The following EIF2B1 variants were observed in gnomAD, a reference collection of about 807,000 sequenced individuals.
EIF2B1 encodes eukaryotic translation initiation factor 2B subunit alpha.
Under a neutral mutation model 36.8 loss-of-function variants are expected in EIF2B1, and 30 were observed. The ratio of observed to expected loss-of-function variants is 0.81; its 90% CI spans 0.61 to 1.10. The LOEUF is 1.10. Among genes scored for constraint, EIF2B1 ranks in the 50% least tolerant of loss-of-function variants. EIF2B1 has a pLI of 0.00. For missense variants in EIF2B1, 271 were observed against 374.8 expected (o/e 0.72, Z 2.29); for synonymous variants, 139 against 142.2 (o/e 0.98, Z 0.16).
In EIF2B1 at chr12:123,630,247, T is replaced by TC; in HGVS notation, c.290dup (p.Glu98ArgfsTer52). 1 of 1,614,132 alleles carries TC rather than the reference T, an allele frequency of 6.2e-7. No homozygotes were observed. The highest frequency in any genetic ancestry group is 1.1e-5 in the South Asian group (1 of 91,084). Reference sequence around the variant, plus strand: ...GTGATATTCTCCTGAGAAAAAGTTCTCCCCGCTCAATCATGATCTTTTTAC... The same window carrying TC: ...GTGATATTCTCCTGAGAAAAAGTTCTCCCCCGCTCAATCATGATCTTTTTAC... On this transcript the variant is annotated frameshift_variant, in exon 4 of 9. Coordinates refer to ENST00000424014, the MANE Select transcript of EIF2B1 (RefSeq NM_001414.4). LOFTEE classifies it high-confidence loss of function. The surrounding 1 kb of genome is among the most constrained non-coding windows in gnomAD (Gnocchi z 4.6).
Position 123,626,429 on chromosome 12 carries a change from CAGCAGCATCT to C in EIF2B1, c.537_546del (p.Asp180SerfsTer12). ...CTGGGGAAGATGGGCACTCACCCGA[CAGCAGCATCT>C]AGCACCACAGTGACAGGGACGTTGA... On this transcript the variant is annotated frameshift_variant, in exon 6 of 9. Coordinates refer to ENST00000424014, the MANE Select transcript of EIF2B1 (RefSeq NM_001414.4). LOFTEE classifies it high-confidence loss of function. 1 of 1,614,134 alleles carries C rather than the reference CAGCAGCATCT, an allele frequency of 6.2e-7. No homozygotes were observed. The highest frequency in any genetic ancestry group is 8.5e-7 in the Non-Finnish European group (1 of 1,179,992).
rs760294177 is a variant in EIF2B1 at position 123,633,545 on chromosome 12, C to T, written c.13G>A (p.Glu5Lys). 1.1e-5 allele frequency: 18 copies of T among 1,613,328 alleles called. No individual in the cohort carries two copies. The highest frequency in any genetic ancestry group is 1.4e-5 in the Non-Finnish European group (17 of 1,180,006). ...GCAGCCCTGGCCTGTCTTGATTTAC[C>T]CTTGTCGTCCATGGCGTCCTCCTGC... MDDK[E>K]LIEYFKSQMK... Residue 5 changes from glutamate to lysine, a missense_variant and splice_region_variant, in exon 1 of 9, where the codon GAG becomes AAG. By Grantham distance (56) the Glu-to-Lys change is moderately conservative (BLOSUM62 1). Transcript: ENST00000424014.
intron 7 of EIF2B1, among the ~76,000 whole-genome samples, chr12:123,623,862 C>G (rs1955127084): frequency 6.6e-6 from 1 of 151,970 alleles, no homozygotes; most frequent in Non-Finnish European, 1.5e-5. Context: ...AAATTGAGGT[C>G]AAATGTGCTC....
At chr12:123,631,315 C>T (rs571566039) in intron 2 of EIF2B1, among the ~76,000 whole-genome samples, 38 of 152,322 alleles carry the variant, frequency 2.5e-4, no homozygotes, top group African/African-American at 7.9e-4. Context: ...GAGCTTGGAG[C>T]TGTATTACTA....
Position 123,630,450 on chromosome 12 carries a change from A to G in EIF2B1, c.199T>C (p.Ser67Pro), listed in dbSNP as rs1412569496. 1 of 1,613,994 alleles carries G rather than the reference A, an allele frequency of 6.2e-7. No homozygotes were observed. The highest frequency in any genetic ancestry group is 8.5e-7 in the Non-Finnish European group (1 of 1,180,026). Reference protein sequence around the residue: ...CGVDSSVAVSSGGELFLRFIS... With the variant: ...CGVDSSVAVSPGGELFLRFIS... ...AAGCGGAGGAAGAGCTCCCCGCCAG[A>G]GGACACTGCCACAGAGGAGTCCACA... The change falls in exon 3 of 9, where the codon TCT (serine) becomes CCT (proline). Residue 67 changes from serine to proline, a missense_variant. Transcript: ENST00000424014. The surrounding 1 kb of genome is among the most constrained non-coding windows in gnomAD (Gnocchi z 4.6).
Position 123,624,847 on chromosome 12 carries a change from T to C in EIF2B1, c.567A>G (p.Lys189=). The C allele has an allele frequency of 6.2e-7, 1 of 1,614,098 alleles. No individual in the cohort carries two copies. The change falls in exon 7 of 9, where the codon AAA becomes AAG. Residue 189 remains lysine (K), a synonymous_variant. Transcript: ENST00000424014. ...CAGCACCAACTATGACAAGATCTGC[T>C]TTCTCCATGATGTAGCTAAGGGGAA... The part of the protein sequence containing the change: ...LDAAVGYIME[K]ADLVIVGAEG...
intron 2 of EIF2B1, among the ~76,000 whole-genome samples, chr12:123,631,280 A>C (rs1342748645): frequency 6.6e-6 from 1 of 152,186 alleles, no homozygotes; most frequent in East Asian, 1.9e-4. Context: ...TCCAGATTGA[A>C]AGGTCTGAAA....
At chr12:123,624,979 T>A (rs1027501378) in intron 6 of EIF2B1, 117 bp from the exon 7 acceptor site, 84 of 948,360 alleles carry the variant, frequency 8.9e-5, no homozygotes, top group Non-Finnish European at 1.3e-4. Context: ...TAACTACCTG[T>A]TTTTTTTAAA....
Position 123,632,287 on chromosome 12 carries a change from A to AG in EIF2B1, c.115+57_115+58insC, listed in dbSNP as rs1393447706. On this transcript the variant is annotated intron_variant, in intron 2 of 8. Coordinates refer to ENST00000424014, the MANE Select transcript of EIF2B1 (RefSeq NM_001414.4). ...CGTCTCTTTAAAAAAAAAAAAAAAGAAAAGAAAAAAAAGACTATCCTAAGT... is the reference window on the plus strand; with the variant it reads ...CGTCTCTTTAAAAAAAAAAAAAAAGAGAAAGAAAAAAAAGACTATCCTAAGT... 1.3e-4 allele frequency: 153 copies of AG among 1,166,356 alleles called. No individual in the cohort carries two copies. The African/African-American group carries it at 1.8e-3, about 14-fold the overall frequency. 72.3% of individuals were successfully genotyped at this position (1,166,356 alleles called of 1,614,324 possible).
At chr12:123,626,618 G>A (rs1007098379) in intron 5 of EIF2B1, 125 bp from the exon 6 acceptor site, 151 of 1,094,720 alleles carry the variant, frequency 1.4e-4, no homozygotes, top group Non-Finnish European at 2.0e-4. Flanking sequence ...TTAAGGGGCA[G>A]ATCCCAATAC....
Position 123,630,315 on chromosome 12 carries a change from AG to A in EIF2B1, c.253-31del. On this transcript the variant is annotated intron_variant, in intron 3 of 8. Coordinates refer to ENST00000424014, the MANE Select transcript of EIF2B1 (RefSeq NM_001414.4). This position sits in a 1 kb window ranked among gnomAD's most constrained non-coding sequence, Gnocchi z 4.6. ...GAAGAAAAGAGCAAACTGAGGGGAC[AG>A]GGAAGATCCAGTTAATGCTGAGAAT... 2 of 1,614,048 alleles carry A rather than the reference AG, an allele frequency of 1.2e-6. No individual in the cohort carries two copies. The highest frequency in any genetic ancestry group is 1.7e-6 in the Non-Finnish European group (2 of 1,179,904).
At position 123,621,900 on chromosome 12, in the gene EIF2B1, C is replaced by T. The variant is rs1323995775; in HGVS notation, c.774G>A (p.Lys258=). The T allele has an allele frequency of 6.2e-7, 1 of 1,614,054 alleles. No individual in the cohort carries two copies. The highest frequency in any genetic ancestry group is 1.1e-5 in the South Asian group (1 of 91,082). The change falls in exon 9 of 9, where the codon AAG becomes AAA. Residue 258 remains lysine, a synonymous_variant. Coordinates refer to ENST00000424014, the MANE Select transcript of EIF2B1 (RefSeq NM_001414.4). ...TGAGGTCTTGTCCAGTCTGCGCGACCTTGAGAGTGTCTGCCTTATACTGAG... is the reference window on the plus strand; with the variant it reads ...TGAGGTCTTGTCCAGTCTGCGCGACTTTGAGAGTGTCTGCCTTATACTGAG... ...DKFKYKADTL[K]VAQTGQDLKE...
At chr12:123,622,802 AT>A in intron 7 of EIF2B1, 41 bp from the exon 8 acceptor site, 1 of 1,611,578 alleles carries the variant, frequency 6.2e-7, no homozygotes, top group South Asian at 1.1e-5. Flanking sequence ...TCTAGAGTGC[AT>A]CTGAAGTAGA....
intron 6 of EIF2B1, 130 bp downstream of exon 6, chr12:123,626,295 T>C: frequency 9.7e-7 from 1 of 1,035,470 alleles, no homozygotes; most frequent in Non-Finnish European, 1.5e-6. Context: ...TTAGGGCAGC[T>C]ATTAATTAAG....
rs1167276566 is a variant in EIF2B1, at chr12:123,628,990, A to G, written c.369+1179T>C. On this transcript the variant is annotated intron_variant, in intron 4 of 8. Transcript: ENST00000424014. Reference sequence around the variant, plus strand: ...GACGGCACAGCAGGTCTGTGGAAGGAGAAGGCCCCAGCGAGAGGAAGTCAC... The same window carrying G: ...GACGGCACAGCAGGTCTGTGGAAGGGGAAGGCCCCAGCGAGAGGAAGTCAC... Among the ~76,000 whole-genome samples the G allele has an allele frequency of 2.0e-5, 3 of 151,384 alleles. No homozygotes were observed. The East Asian group carries it at 5.8e-4, about 29-fold the overall frequency.
At chr12:123,629,018 C>T (rs79827692) in intron 4 of EIF2B1, among the ~76,000 whole-genome samples, 2,672 of 152,286 alleles carry the variant, frequency 0.018, 62 homozygotes, top group African/African-American at 0.058. Flanking sequence ...GAAGTCACAA[C>T]CTTGCCTCCA....
chr12:123,630,534 CT>C lies in EIF2B1; in HGVS notation c.116-2del. 6.2e-7 allele frequency: 1 copy of C among 1,611,966 alleles called. No homozygotes were observed. Among genetic ancestry groups the C allele is most frequent in the East Asian group, 2.2e-5 (1 of 44,886 alleles). On this transcript the variant is annotated splice_acceptor_variant, in intron 2 of 8. Coordinates refer to ENST00000424014, the MANE Select transcript of EIF2B1 (RefSeq NM_001414.4). LOFTEE classifies it high-confidence loss of function. The surrounding 1 kb of genome is among the most constrained non-coding windows in gnomAD (Gnocchi z 4.6). The stretch of plus-strand genomic sequence containing the variant: ...GCCCTCAGACCCTGGATTGTCTCCC[CT>C]GGAATGATCCAACAAGGAATGTGAT...
chr12:123,633,522 A>G, intron 1 of EIF2B1, 23 bp downstream of exon 1: 1 of 1,613,880 alleles, frequency 6.2e-7, no homozygotes, highest in East Asian at 2.2e-5. Context: ...GTAGCCTAGC[A>G]GCCCTGGCCT....
At chr12:123,632,315 C>T in intron 2 of EIF2B1, 30 bp downstream of exon 2, 1 of 1,386,248 alleles carries the variant, frequency 7.2e-7, no homozygotes, top group East Asian at 2.3e-5. Flanking sequence ...TCCTAAGTCC[C>T]AGAGTGTTAA....
Sources: allele counts gnomAD v4.1 joint callset (sites outside exome capture counted in the v4.1 genomes callset), GRCh38; gene constraint gnomAD v4.1.1; non-coding constraint Gnocchi (gnomAD v3.1); transcripts MANE v1.5; gene names NCBI Gene and HGNC (gene_info 2026-07-23, HGNC 2026-07-21).